SCYL1: variants seen among roughly 807,000 people sequenced by gnomAD.
SCYL1 encodes SCY1 like pseudokinase 1.
In SCYL1, 85 loss-of-function variants were observed where a neutral mutation model predicts 94.8. The ratio of observed to expected loss-of-function variants is 0.90; its 90% CI spans 0.75 to 1.07. The LOEUF (loss-of-function observed/expected upper bound fraction) is 1.07. Among genes scored for constraint, SCYL1 ranks in the 50% least tolerant of loss-of-function variants. SCYL1 has a pLI of 0.00. For synonymous variants in SCYL1, 459 were observed against 435.5 expected (o/e 1.05, Z -0.67); for missense variants, 968 against 1,083.3 (o/e 0.89, Z 1.49).
At chr11:65,529,533 T>C (rs1429658827) in intron 6 of SCYL1, among the ~76,000 whole-genome samples, 1 of 152,194 alleles carries the variant, frequency 6.6e-6, no homozygotes, top group Non-Finnish European at 1.5e-5. Context: ...CGCTGAACCA[T>C]GTGATCAGAG....
intron 8 of SCYL1, 53 bp from the exon 9 acceptor site, chr11:65,532,639 G>T: frequency 7.0e-7 from 1 of 1,425,516 alleles, no homozygotes. Flanking sequence ...CATGGCTATG[G>T]GGATAGAGTG....
At position 65,538,534 on chromosome 11, in the gene SCYL1, C is replaced by G; in HGVS notation, c.2395C>G (p.Pro799Ala). 6.2e-7 allele frequency: 1 copy of G among 1,611,432 alleles called. No individual in the cohort carries two copies. The highest frequency in any genetic ancestry group is 8.5e-7 in the Non-Finnish European group (1 of 1,179,438). The change falls in exon 18 of 18, where the codon CCC (proline) becomes GCC (alanine). Residue 799 changes from proline to alanine, a missense_variant. By Grantham distance (27) the Pro-to-Ala change is conservative (BLOSUM62 -1). This residue lies in a region of SCYL1 where 474 missense variants were observed against 463.6 expected (regional missense o/e 1.02). Coordinates refer to ENST00000270176, the MANE Select transcript of SCYL1 (RefSeq NM_020680.4). Reference sequence around the variant, plus strand: ...CGCCGAGAGGAAGGTGGCCAAGGGCCCCATGAAGCTGGGAGCCCGGAAGCT... The same window carrying G: ...CGCCGAGAGGAAGGTGGCCAAGGGCGCCATGAAGCTGGGAGCCCGGAAGCT... ...KRAERKVAKG[P>A]MKLGARKLD
rs75169347 is a variant in SCYL1, at chr11:65,526,348, G to A, written c.600G>A (p.Lys200=). The change falls in exon 4 of 18, where the codon AAG becomes AAA. Residue 200 remains lysine, a splice_region_variant and synonymous_variant. Transcript: ENST00000270176. This position sits in a 1 kb window ranked among gnomAD's most constrained non-coding sequence, Gnocchi z 4.1. ...GCAGTGGCAGAGTGGTCAGAGAGAAGTGGTGGGTGACTGGGGGCAGCGCGC... is the reference window on the plus strand; with the variant it reads ...GCAGTGGCAGAGTGGTCAGAGAGAAATGGTGGGTGACTGGGGGCAGCGCGC... ...ADSSGRVVRE[K]WSADMWRLGC... is the part of the protein sequence containing the mutation. 0.052 allele frequency: 83,574 copies of A among 1,594,822 alleles called. 2,507 individuals carry two copies. The highest frequency in any genetic ancestry group is 0.063 in the Non-Finnish European group (73,304 of 1,167,430).
At chr11:65,537,760 T>G in intron 14 of SCYL1, 49 bp from the exon 15 acceptor site, 1 of 1,470,536 alleles carries the variant, frequency 6.8e-7, no homozygotes. Flanking sequence ...GCGGGCTCAC[T>G]TGCCCTTTAG....
At chr11:65,535,693 G>A in intron 10 of SCYL1, 1 of 578,566 alleles carries the variant, frequency 1.7e-6, no homozygotes, top group East Asian at 2.9e-5. Context: ...GCTGGGCAGG[G>A]AGGAAGGGAG....
intron 1 of SCYL1, 83 bp downstream of exon 1, chr11:65,525,347 G>A: frequency 8.6e-7 from 1 of 1,159,494 alleles, no homozygotes; most frequent in Non-Finnish European, 1.2e-6. Flanking sequence ...GTTGCGCCCG[G>A]CCTGACGTGG....
rs1443574517 is a variant in SCYL1, at chr11:65,535,362, G to A, written c.1366G>A (p.Gly456Ser). ...CNTTVCLGKI[G>S]SYLSASTRHR... ...CACCACAGTCTGCCTGGGCAAAATC[G>A]GCTCCTACCTCAGTGCTAGCGTGAG... The change falls in exon 10 of 18, where the codon GGC (glycine) becomes AGC (serine). Residue 456 changes from glycine to serine, a missense_variant. Transcript: ENST00000270176. 19 of 1,614,086 alleles carry A rather than the reference G, an allele frequency of 1.2e-5. No homozygotes were observed. The highest frequency in any genetic ancestry group is 1.7e-5 in the Admixed American group (1 of 60,008).
rs776706991 is a variant in SCYL1 at position 65,538,488 on chromosome 11, G to C, written c.2349G>C (p.Arg783=). The C allele has an allele frequency of 1.9e-6, 3 of 1,595,934 alleles. No individual in the cohort carries two copies. The highest frequency in any genetic ancestry group is 2.6e-6 in the Non-Finnish European group (3 of 1,172,986). ...CCCGGAAGAAGCGCGAGGAGCGGCGGCGGGAGATGGAGGCCAAACGCGCCG... is the reference window on the plus strand; with the variant it reads ...CCCGGAAGAAGCGCGAGGAGCGGCGCCGGGAGATGGAGGCCAAACGCGCCG... The part of the protein sequence containing the change: ...ELARKKREER[R]REMEAKRAER... Residue 783 remains arginine, a synonymous_variant, in exon 18 of 18, where the codon CGG becomes CGC. Coordinates refer to ENST00000270176, the MANE Select transcript of SCYL1 (RefSeq NM_020680.4).
intron 10 of SCYL1, 121 bp downstream of exon 10, chr11:65,535,503 G>A: frequency 7.8e-7 from 1 of 1,284,100 alleles, no homozygotes; most frequent in Non-Finnish European, 1.1e-6. Context: ...CCTGCACGCT[G>A]TTGGCCCCAT....
In SCYL1 at chr11:65,536,583, C is replaced by T. The variant is rs948435402; in HGVS notation, c.1652-3C>T. On this transcript the variant is annotated splice_polypyrimidine_tract_variant and splice_region_variant and intron_variant, in intron 12 of 17. Coordinates refer to ENST00000270176, the MANE Select transcript of SCYL1 (RefSeq NM_020680.4). ...CCCACCTCTCTCTCATGCCACTGCC[C>T]AGAGAAGGATGTCCATGCAGCCTCC... 1.9e-6 allele frequency: 3 copies of T among 1,613,834 alleles called. No homozygotes were observed. The highest frequency in any genetic ancestry group is 1.3e-5 in the African/African-American group (1 of 74,916).
intron 6 of SCYL1, among the ~76,000 whole-genome samples, chr11:65,528,986 G>A (rs986350084): frequency 6.6e-6 from 1 of 152,306 alleles, no homozygotes. Flanking sequence ...GTTTCCACAT[G>A]TGTATAGTGA....
At chr11:65,529,523 C>T (rs893983296) in intron 6 of SCYL1, among the ~76,000 whole-genome samples, 2 of 152,206 alleles carry the variant, frequency 1.3e-5, no homozygotes, top group Non-Finnish European at 2.9e-5. Context: ...GCCTTGGCCC[C>T]GCTGAACCAT....
rs61893784 is a variant in SCYL1 at position 65,538,562 on chromosome 11, A to C, written c.2423A>C (p.Asp808Ala). The C allele has an allele frequency of 6.2e-7, 1 of 1,610,840 alleles. No individual in the cohort carries two copies. Among genetic ancestry groups the C allele is most frequent in the Non-Finnish European group, 8.5e-7 (1 of 1,179,090 alleles). Residue 808 changes from aspartate to alanine, a missense_variant, in exon 18 of 18, where the codon GAC (aspartate) becomes GCC (alanine). Physicochemically the swap from Asp to Ala is moderately radical, Grantham distance 126. Coordinates refer to ENST00000270176, the MANE Select transcript of SCYL1 (RefSeq NM_020680.4). ...GPMKLGARKL[D>A] ...ATGAAGCTGGGAGCCCGGAAGCTGG[A>C]CTGAACCGTGGCGGTGGCCCTTCCC...
intron 14 of SCYL1, 74 bp from the exon 15 acceptor site, chr11:65,537,735 T>C: frequency 7.5e-7 from 1 of 1,324,618 alleles, no homozygotes; most frequent in Non-Finnish European, 1.0e-6. Flanking sequence ...GGCCCGTGGC[T>C]GGGATGATGC....
intron 10 of SCYL1, 130 bp from the exon 11 acceptor site, chr11:65,535,823 A>G (rs1855608782): frequency 2.2e-6 from 2 of 894,034 alleles, no homozygotes; most frequent in African/African-American, 3.4e-5. Context: ...CTCCCCATTT[A>G]AGTGATTCAT....
intron 6 of SCYL1, among the ~76,000 whole-genome samples, chr11:65,529,145 A>C (rs1337588430): frequency 6.6e-6 from 1 of 151,904 alleles, no homozygotes; most frequent in Non-Finnish European, 1.5e-5. Context: ...AGTGGCAGAC[A>C]CTCCACAGAC....
chr11:65,538,316 C>T lies in SCYL1; in HGVS notation c.2294C>T (p.Thr765Ile). Residue 765 changes from threonine (T) to isoleucine (I), a missense_variant, in exon 17 of 18, where the codon ACT (threonine) becomes ATT (isoleucine). Physicochemically the swap from Thr to Ile is moderately conservative, Grantham distance 89. This residue lies in a region of SCYL1 where 474 missense variants were observed against 463.6 expected (regional missense o/e 1.02). Coordinates refer to ENST00000270176, the MANE Select transcript of SCYL1 (RefSeq NM_020680.4). Reference sequence around the variant, plus strand: ...GAGGACAACTGGGAGGGCCTCGAGACTGACAGTCGTAAGTGCTTCCCCTGG... The same window carrying T: ...GAGGACAACTGGGAGGGCCTCGAGATTGACAGTCGTAAGTGCTTCCCCTGG... The part of the protein sequence containing the change: ...WGEDNWEGLE[T>I]DSRQVKAELA... 6.5e-7 allele frequency: 1 copy of T among 1,549,904 alleles called. No homozygotes were observed. The highest frequency in any genetic ancestry group is 8.7e-7 in the Non-Finnish European group (1 of 1,146,228).
chr11:65,526,689 C>G lies in SCYL1; in HGVS notation c.603-94C>G. The G allele has an allele frequency of 8.2e-7, 1 of 1,212,672 alleles. No homozygotes were observed. The highest frequency in any genetic ancestry group is 1.2e-6 in the Non-Finnish European group (1 of 850,450). The allele number at this position is 1,212,672 out of a possible 1,614,324, so 75.1% of individuals were successfully genotyped here. ...GGCTCAGCTGAGGGACATAGCCAGG[C>G]CCTGGCATGCAGTGGGTGCCTGGTG... On this transcript the variant is annotated intron_variant, in intron 4 of 17. Transcript: ENST00000270176. The surrounding 1 kb of genome is among the most constrained non-coding windows in gnomAD (Gnocchi z 4.1).
Position 65,526,379 on chromosome 11 carries a change from C to G in SCYL1, c.602+29C>G. The G allele has an allele frequency of 1.3e-6, 2 of 1,541,000 alleles. No homozygotes were observed. Among genetic ancestry groups the G allele is most frequent in the Non-Finnish European group, 8.8e-7 (1 of 1,133,452 alleles). ...GGTGACTGGGGGCAGCGCGCCCCAA[C>G]CTGCCCTGTCCTGGAGGCCCCTGCA... is the stretch of plus-strand genomic sequence containing the variant. On this transcript the variant is annotated intron_variant, in intron 4 of 17. Transcript: ENST00000270176. The surrounding 1 kb of genome is among the most constrained non-coding windows in gnomAD (Gnocchi z 4.1).
Sources: allele counts gnomAD v4.1 joint callset (sites outside exome capture counted in the v4.1 genomes callset), GRCh38; gene constraint gnomAD v4.1.1; regional missense constraint gnomAD v4.1.1; non-coding constraint Gnocchi (gnomAD v3.1); transcripts MANE v1.5; gene names NCBI Gene and HGNC (gene_info 2026-07-23, HGNC 2026-07-21).